Variants in SMPD3 observed in about 807,000 individuals in gnomAD.
The protein encoded by SMPD3 is sphingomyelin phosphodiesterase 3.
In SMPD3, 21 loss-of-function variants were observed where a neutral mutation model predicts 55.7. The ratio of observed to expected loss-of-function variants is 0.38; its 90% confidence interval spans 0.27 to 0.54. The LOEUF (loss-of-function observed/expected upper bound fraction) is 0.54, where lower values mean the gene tolerates loss of function less well. Ranked by LOEUF, SMPD3 falls within the 20% of genes least tolerant of loss-of-function variation. The pLI is 0.80. For missense variants in SMPD3, 842 were observed against 899.6 expected (o/e 0.94, Z 0.82); for synonymous variants, 457 against 404.3 (o/e 1.13, Z -1.56).
rs116880614 is a variant in SMPD3 at position 68,380,516 on chromosome 16, A to T, written c.-207+6082T>A. 6.0e-4 allele frequency among the ~76,000 whole-genome samples: 91 copies of T among 152,298 alleles called. 2 individuals carry two copies. In the East Asian group the frequency reaches 0.017, roughly 29 times the overall value. Reference sequence around the variant, plus strand: ...CTGGGCCTTGCAAGTCACCAAAGCAAGGGATCCTGGAACACCAAAGCAGGT... The same window carrying T: ...CTGGGCCTTGCAAGTCACCAAAGCATGGGATCCTGGAACACCAAAGCAGGT... On this transcript the variant is annotated intron_variant, in intron 2 of 8. Transcript: ENST00000219334.
intron 1 of SMPD3, among the ~76,000 whole-genome samples, chr16:68,388,267 C>T (rs915266774): frequency 6.6e-6 from 1 of 152,214 alleles, no homozygotes; most frequent in Admixed American, 6.5e-5. Context: ...GATCCCTCCC[C>T]ACCCATAGCC....
At chr16:68,410,718 GGTTT>G (rs2090292550) in intron 1 of SMPD3, among the ~76,000 whole-genome samples, 1 of 152,164 alleles carries the variant, frequency 6.6e-6, no homozygotes, top group African/African-American at 2.4e-5. Flanking sequence ...CGAGTTTTTT[GGTTT>G]GTTTGTTTTT....
intron 1 of SMPD3, among the ~76,000 whole-genome samples, chr16:68,392,832 T>G: frequency 1.0e-4 from 1 of 9,990 alleles, no homozygotes; most frequent in African/African-American, 2.0e-3. Flanking sequence ...AGACGCTGTC[T>G]GGGAAAAAAA....
At chr16:68,389,750 G>A (rs1329713248) in intron 1 of SMPD3, among the ~76,000 whole-genome samples, 1 of 152,218 alleles carries the variant, frequency 6.6e-6, no homozygotes, top group Non-Finnish European at 1.5e-5. Context: ...TTTGGGGTGA[G>A]TGAGAGTGAA....
chr16:68,358,364 C>T lies in SMPD3; in HGVS notation c.*2842G>A, dbSNP rs1046725497. On this transcript the variant is annotated 3_prime_UTR_variant, in exon 9 of 9. Coordinates refer to ENST00000219334, the MANE Select transcript of SMPD3 (RefSeq NM_018667.4). Reference sequence around the variant, plus strand: ...GTTTTATTTTCTCCTCGTTATCCATCCTTCCTTTCAGCACCAGTAAGGAAA... The same window carrying T: ...GTTTTATTTTCTCCTCGTTATCCATTCTTCCTTTCAGCACCAGTAAGGAAA... 2.0e-5 allele frequency: 3 copies of T among 152,766 alleles called. No homozygotes were observed. The highest frequency in any genetic ancestry group is 7.2e-5 in the African/African-American group (3 of 41,474). 9.5% of individuals were successfully genotyped at this position (152,766 alleles called of 1,614,324 possible). A position where few individuals can be genotyped will look rare whatever the true frequency, so the allele number is the denominator to read the frequency against.
intron 1 of SMPD3, among the ~76,000 whole-genome samples, chr16:68,417,788 C>T (rs2152022363): frequency 6.6e-6 from 1 of 152,320 alleles, no homozygotes; most frequent in Non-Finnish European, 1.5e-5. Flanking sequence ...TGAGCTGCCT[C>T]AAACCCTGCG....
intron 3 of SMPD3, among the ~76,000 whole-genome samples, chr16:68,366,223 C>G (rs1484037317): frequency 6.6e-6 from 1 of 152,256 alleles, no homozygotes; most frequent in African/African-American, 2.4e-5. Context: ...CCAAACGTCA[C>G]AGCCCATCTG....
chr16:68,426,572 G>A (rs2090437828), intron 1 of SMPD3, among the ~76,000 whole-genome samples: 1 of 152,166 alleles, frequency 6.6e-6, no homozygotes, highest in Non-Finnish European at 1.5e-5. Context: ...GGAGAGACAT[G>A]CTTCTGAAAA....
intron 1 of SMPD3, among the ~76,000 whole-genome samples, chr16:68,442,828 T>C (rs2090577931): frequency 6.6e-6 from 1 of 152,064 alleles, no homozygotes; most frequent in Admixed American, 6.6e-5. Context: ...GTCATATGAG[T>C]CAGAGCAGAC....
At chr16:68,392,186 C>A (rs2090117291) in intron 1 of SMPD3, among the ~76,000 whole-genome samples, 1 of 152,230 alleles carries the variant, frequency 6.6e-6, no homozygotes, top group Admixed American at 6.5e-5. Context: ...GCCACTGTGC[C>A]TGGCCAAGAT....
At chr16:68,374,905 G>A (rs1202978713) in intron 2 of SMPD3, among the ~76,000 whole-genome samples, 1 of 152,200 alleles carries the variant, frequency 6.6e-6, no homozygotes, top group Non-Finnish European at 1.5e-5. Context: ...GGGCGGGATG[G>A]GGGTCTCTCA....
rs2152001587 is a variant in SMPD3 at position 68,386,672 on chromosome 16, G to A, written c.-268-13C>T. On this transcript the variant is annotated splice_polypyrimidine_tract_variant and intron_variant, in intron 1 of 8. Transcript: ENST00000219334. ...TGTCACCGCAGACCTGAAAGGAGAT[G>A]AGCAGTTCACAGGGGTGCCCGGAAC... 1 of 152,096 alleles carries A rather than the reference G, an allele frequency of 6.6e-6. No homozygotes were observed. Among genetic ancestry groups the A allele is most frequent in the East Asian group, 1.9e-4 (1 of 5,208 alleles). The allele number at this position is 152,096 out of a possible 1,614,324, so 9.4% of individuals were successfully genotyped here.
At chr16:68,418,708 G>C (rs1198791011) in intron 1 of SMPD3, among the ~76,000 whole-genome samples, 1 of 152,168 alleles carries the variant, frequency 6.6e-6, no homozygotes, top group African/African-American at 2.4e-5. Context: ...ATGAGAACAG[G>C]GATGCCCATT....
At chr16:68,361,824 TGTGTGGAGCCATGGTCTCCTCCCAGTG>T in intron 7 of SMPD3, 65 bp from the exon 8 acceptor site, 1 of 1,548,712 alleles carries the variant, frequency 6.5e-7, no homozygotes, top group Non-Finnish European at 8.7e-7. Flanking sequence ...GCAGGGGCTG[TGTGTGGAGCCATGGTCTCCTCCCAGTG>T]TGGGAGCGGG....
At chr16:68,411,579 G>C (rs2090301379) in intron 1 of SMPD3, among the ~76,000 whole-genome samples, 2 of 152,198 alleles carry the variant, frequency 1.3e-5, no homozygotes, top group South Asian at 4.1e-4. Context: ...CTGCCCACAG[G>C]ACTTGAGACT....
chr16:68,413,472 G>A (rs1300286007), intron 1 of SMPD3, among the ~76,000 whole-genome samples: 1 of 152,184 alleles, frequency 6.6e-6, no homozygotes, highest in African/African-American at 2.4e-5. Context: ...ATCCCTCAAG[G>A]CCTTTGATGA....
chr16:68,359,558 GTCCCTCTTGC>G lies in SMPD3; in HGVS notation c.*1638_*1647del, dbSNP rs973426399. On this transcript the variant is annotated 3_prime_UTR_variant, in exon 9 of 9. Transcript: ENST00000219334. Reference sequence around the variant, plus strand: ...TGGCTGGCTGCGTGGCCCCCTCTTGGTCCCTCTTGCAGCTCAATGGGTGACAAGGCACAGC... The same window carrying G: ...TGGCTGGCTGCGTGGCCCCCTCTTGGAGCTCAATGGGTGACAAGGCACAGC... The G allele has an allele frequency of 2.0e-5, 3 of 152,830 alleles. No individual in the cohort carries two copies. The highest frequency in any genetic ancestry group is 7.2e-5 in the African/African-American group (3 of 41,460). 9.5% of individuals were successfully genotyped at this position (152,830 alleles called of 1,614,324 possible).
chr16:68,369,988 G>C (rs1267001473), intron 3 of SMPD3: 1 of 152,280 alleles, frequency 6.6e-6, no homozygotes, highest in Non-Finnish European at 1.5e-5. Context: ...ACCCTAAAGG[G>C]ACAGAACCCA....
intron 3 of SMPD3, chr16:68,369,631 A>G (rs1361345820): frequency 6.6e-6 from 1 of 152,276 alleles, no homozygotes; most frequent in Non-Finnish European, 1.5e-5. Context: ...AACGGACCAT[A>G]TGCCAAAATG....
Sources: allele counts gnomAD v4.1 joint callset (sites outside exome capture counted in the v4.1 genomes callset), GRCh38; gene constraint gnomAD v4.1.1; transcripts MANE v1.5; gene names NCBI Gene and HGNC (gene_info 2026-07-23, HGNC 2026-07-21).